RAB11A: variants seen among roughly 807,000 people sequenced by gnomAD.
The protein encoded by RAB11A is ras-related protein Rab-11A.
Under a neutral mutation model 28.0 loss-of-function variants are expected in RAB11A, and 9 were observed. That is an observed-to-expected ratio of 0.32 (90% CI 0.19 to 0.56). The LOEUF (loss-of-function observed/expected upper bound fraction) is 0.56. Among genes scored for constraint, RAB11A ranks in the 20% least tolerant of loss-of-function variants. The pLI is 0.91. For synonymous variants in RAB11A, 85 were observed against 88.2 expected, an observed-to-expected ratio of 0.96 and a Z score of 0.20; for missense variants, 108 against 269.6, an observed-to-expected ratio of 0.40 and a Z score of 4.20.
intron 3 of RAB11A, chr15:65,878,179 TC>T (rs2078200481): frequency 1.7e-6 from 1 of 593,868 alleles, no homozygotes; most frequent in South Asian, 1.9e-5. Flanking sequence ...ATATTCTGTC[TC>T]TTTTTCTGTT....
chr15:65,880,523 G>A (rs764313968), intron 4 of RAB11A, among the ~76,000 whole-genome samples: 3 of 152,116 alleles, frequency 2.0e-5, no homozygotes, highest in Non-Finnish European at 4.4e-5. Context: ...ATAGTTTTAC[G>A]TGGCATTGTT....
chr15:65,889,997 C>A lies in RAB11A; in HGVS notation c.*2157C>A, dbSNP rs1596795506. 1 of 151,724 alleles carries A rather than the reference C, an allele frequency of 6.6e-6. No homozygotes were observed. The highest frequency in any genetic ancestry group is 1.9e-4 in the East Asian group (1 of 5,160). The allele number at this position is 151,724 out of a possible 1,614,324, so 9.4% of individuals were successfully genotyped here. ...TTTTAAATATTATGACAGTTCAGGG[C>A]TTAAGGCAGTTTAGAAGTATTTTGC... On this transcript the variant is annotated 3_prime_UTR_variant, in exon 5 of 5. Coordinates refer to ENST00000261890, the MANE Select transcript of RAB11A (RefSeq NM_004663.5).
chr15:65,889,377 A>G lies in RAB11A; in HGVS notation c.*1537A>G, dbSNP rs1596794861. 6.6e-6 allele frequency: 1 copy of G among 152,206 alleles called. No homozygotes were observed. Among genetic ancestry groups the G allele is most frequent in the East Asian group, 1.9e-4 (1 of 5,206 alleles). The allele number at this position is 152,206 out of a possible 1,614,324, so 9.4% of individuals were successfully genotyped here. ...TAAATTGCTACTTTGTATTTTATGCATGCTCTGTAATTTGATTTTTTTTTA... is the reference window on the plus strand; with the variant it reads ...TAAATTGCTACTTTGTATTTTATGCGTGCTCTGTAATTTGATTTTTTTTTA... On this transcript the variant is annotated 3_prime_UTR_variant, in exon 5 of 5. Transcript: ENST00000261890.
chr15:65,873,557 A>G (rs893757841), intron 1 of RAB11A, among the ~76,000 whole-genome samples: 7 of 151,854 alleles, frequency 4.6e-5, no homozygotes, highest in Non-Finnish European at 1.0e-4. Context: ...CTATATCTAT[A>G]TATATATATT....
Position 65,890,672 on chromosome 15 carries a change from T to G in RAB11A, c.*2832T>G, listed in dbSNP as rs1176388775. The G allele has an allele frequency of 2.6e-5, 4 of 152,218 alleles. No homozygotes were observed. Among genetic ancestry groups the G allele is most frequent in the Non-Finnish European group, 4.4e-5 (3 of 68,038 alleles). The allele number at this position is 152,218 out of a possible 1,614,324, so 9.4% of individuals were successfully genotyped here. A position where few individuals can be genotyped will look rare whatever the true frequency, so the allele number is the denominator to read the frequency against. On this transcript the variant is annotated 3_prime_UTR_variant, in exon 5 of 5. Transcript: ENST00000261890. ...TATCTTAATTTTTGTCTTTGCTGACTGGTATTTATAAAATACAAATGCTTT... is the reference window on the plus strand; with the variant it reads ...TATCTTAATTTTTGTCTTTGCTGACGGGTATTTATAAAATACAAATGCTTT...
At position 65,869,506 on chromosome 15, in the gene RAB11A, C is replaced by T; in HGVS notation, c.-80C>T. On this transcript the variant is annotated 5_prime_UTR_variant, in exon 1 of 5. Coordinates refer to ENST00000261890, the MANE Select transcript of RAB11A (RefSeq NM_004663.5). ...CCAGTCCGGCAGTTGAAGCTCGGCGCTCGGGTTACCCCTGCAGCGACGCCC... is the reference window on the plus strand; with the variant it reads ...CCAGTCCGGCAGTTGAAGCTCGGCGTTCGGGTTACCCCTGCAGCGACGCCC... The T allele has an allele frequency of 1.9e-6, 3 of 1,550,542 alleles. No individual in the cohort carries two copies. The highest frequency in any genetic ancestry group is 2.6e-6 in the Non-Finnish European group (3 of 1,147,918).
intron 1 of RAB11A, 34 bp downstream of exon 1, chr15:65,869,659 C>T (rs781454963): frequency 1.9e-6 from 3 of 1,596,648 alleles, no homozygotes; most frequent in East Asian, 2.2e-5. Flanking sequence ...CTACACAGTC[C>T]TCGTTCGGGG....
At chr15:65,870,513 C>G (rs939602227) in intron 1 of RAB11A, among the ~76,000 whole-genome samples, 7 of 152,244 alleles carry the variant, frequency 4.6e-5, no homozygotes, top group African/African-American at 1.4e-4. Flanking sequence ...ACTCTTTACT[C>G]GGTTCGCGAG....
chr15:65,880,626 T>G (rs192185288), intron 4 of RAB11A, among the ~76,000 whole-genome samples: 47 of 152,284 alleles, frequency 3.1e-4, no homozygotes, highest in African/African-American at 9.6e-4. Context: ...TATTAGAGAT[T>G]AACAGATTTT....
At chr15:65,884,961 C>G (rs186434819) in intron 4 of RAB11A, among the ~76,000 whole-genome samples, 8 of 150,730 alleles carry the variant, frequency 5.3e-5, no homozygotes, top group African/African-American at 1.9e-4. Flanking sequence ...GTCGCCCCCA[C>G]CGTTTTTTTT....
rs2141110624 is a variant in RAB11A, at chr15:65,888,416, A to G, written c.*576A>G. On this transcript the variant is annotated 3_prime_UTR_variant, in exon 5 of 5. Coordinates refer to ENST00000261890, the MANE Select transcript of RAB11A (RefSeq NM_004663.5). ...GTTTTTTAATTTTTGTAAGCATCAA[A>G]GTTGATTAGAGAGGGGGGCACTTTT... is the stretch of plus-strand genomic sequence containing the variant. 2 of 152,746 alleles carry G rather than the reference A, an allele frequency of 1.3e-5. No individual in the cohort carries two copies. The highest frequency in any genetic ancestry group is 1.3e-4 in the Admixed American group (2 of 15,302). 9.5% of individuals were successfully genotyped at this position (152,746 alleles called of 1,614,324 possible). A position where few individuals can be genotyped will look rare whatever the true frequency, so the allele number is the denominator to read the frequency against.
intron 4 of RAB11A, among the ~76,000 whole-genome samples, chr15:65,880,158 G>A (rs189881574): frequency 1.1e-3 from 160 of 152,196 alleles, no homozygotes; most frequent in African/African-American, 3.7e-3. Flanking sequence ...AAATTATAGC[G>A]ACAAAATAAA....
rs560054449 is a variant in RAB11A, at chr15:65,876,086, A to G, written c.41-1246A>G. On this transcript the variant is annotated intron_variant, in intron 1 of 4. Coordinates refer to ENST00000261890, the MANE Select transcript of RAB11A (RefSeq NM_004663.5). ...TTTAAATTCAGATAGAAAATGTTTT[A>G]AAACAACTTAACTGCCTGTTTCTCC... 7.3e-4 allele frequency among the ~76,000 whole-genome samples: 111 copies of G among 152,362 alleles called. 1 individual carries two copies. The highest frequency in any genetic ancestry group is 2.6e-3 in the African/African-American group (109 of 41,588).
chr15:65,873,615 A>G (rs2141101067), intron 1 of RAB11A, among the ~76,000 whole-genome samples: 1 of 151,884 alleles, frequency 6.6e-6, no homozygotes, highest in East Asian at 1.9e-4. Context: ...GTGCCATGGC[A>G]CAGTCATAGC....
At chr15:65,870,496 C>T (rs1596779576) in intron 1 of RAB11A, among the ~76,000 whole-genome samples, 1 of 152,228 alleles carries the variant, frequency 6.6e-6, no homozygotes, top group Admixed American at 6.5e-5. Context: ...GCACCCAACC[C>T]GGGATAACTC....
chr15:65,889,079 T>C lies in RAB11A; in HGVS notation c.*1239T>C, dbSNP rs530012469. ...TGTGCACACTAATATTTAGTTTTGC[T>C]TTCTCGTGGATAATATTAAGCACTT... On this transcript the variant is annotated 3_prime_UTR_variant, in exon 5 of 5. Coordinates refer to ENST00000261890, the MANE Select transcript of RAB11A (RefSeq NM_004663.5). 6.5e-6 allele frequency: 1 copy of C among 152,808 alleles called. No homozygotes were observed. Among genetic ancestry groups the C allele is most frequent in the Non-Finnish European group, 1.5e-5 (1 of 68,040 alleles). 9.5% of individuals were successfully genotyped at this position (152,808 alleles called of 1,614,324 possible). A position where few individuals can be genotyped will look rare whatever the true frequency, so the allele number is the denominator to read the frequency against.
At chr15:65,881,395 A>AG (rs2078221738) in intron 4 of RAB11A, among the ~76,000 whole-genome samples, 1 of 152,088 alleles carries the variant, frequency 6.6e-6, no homozygotes, top group Non-Finnish European at 1.5e-5. Flanking sequence ...AAGTCACTGA[A>AG]CCTCCCTGCT....
chr15:65,877,906 T>C lies in RAB11A; in HGVS notation c.381T>C (p.Asp127=). ...IVIMLVGNKS[D]LRHLRAVPTD... ...TCATGCTTGTGGGCAATAAGAGTGA[T>C]CTACGTCATCTCAGGGCAGTTCCTA... The change falls in exon 3 of 5, where the codon GAT becomes GAC. Residue 127 remains aspartate, a synonymous_variant. Coordinates refer to ENST00000261890, the MANE Select transcript of RAB11A (RefSeq NM_004663.5). The surrounding 1 kb of genome is among the most constrained non-coding windows in gnomAD (Gnocchi z 4.1). 3 of 1,614,046 alleles carry C rather than the reference T, an allele frequency of 1.9e-6. No homozygotes were observed. The highest frequency in any genetic ancestry group is 2.5e-6 in the Non-Finnish European group (3 of 1,179,914).
chr15:65,885,380 A>G (rs370476071), intron 4 of RAB11A, among the ~76,000 whole-genome samples: 4 of 151,544 alleles, frequency 2.6e-5, no homozygotes, highest in East Asian at 1.9e-4. Context: ...CCCGCCTTGG[A>G]CTCCTAAAGT....
Sources: gnomAD v4.1 joint callset for allele counts (sites outside exome capture counted in the v4.1 genomes callset) on GRCh38, gnomAD v4.1.1 for gene constraint, Gnocchi (gnomAD v3.1) non-coding constraint, MANE v1.5 for transcripts, NCBI Gene and HGNC (gene_info 2026-07-23, HGNC 2026-07-21) for gene names.